SPATA31H1: variants seen among roughly 807,000 people sequenced by gnomAD.
SPATA31H1 encodes SPATA31 subfamily H member 1.
chr2:27,579,904 C>T, the SPATA31H1 span: 1 of 1,614,200 alleles, frequency 6.2e-7, no homozygotes, highest in Non-Finnish European at 8.5e-7. Context: ...CCACCTCTAG[C>T]TTCAGGTCTA....
chr2:27,562,819 G>A, the SPATA31H1 span, among the ~76,000 whole-genome samples: 1 of 150,904 alleles, frequency 6.6e-6, no homozygotes, highest in African/African-American at 2.4e-5. Flanking sequence ...CCTGGGAGGT[G>A]GAGGTTGCAG....
the SPATA31H1 span, among the ~76,000 whole-genome samples, chr2:27,543,601 A>G: frequency 6.6e-6 from 1 of 151,096 alleles, no homozygotes; most frequent in African/African-American, 2.4e-5. Flanking sequence ...TTTGTGTTGT[A>G]TAAGAACTCC....
chr2:27,549,684 C>T, the SPATA31H1 span, among the ~76,000 whole-genome samples: 1 of 151,912 alleles, frequency 6.6e-6, no homozygotes, highest in East Asian at 1.9e-4. Context: ...GATGGCATGC[C>T]TGTAGTCTCA....
the SPATA31H1 span, chr2:27,568,640 G>A: frequency 2.5e-6 from 1 of 398,902 alleles, no homozygotes; most frequent in African/African-American, 2.1e-5. Flanking sequence ...ACACTGTGGA[G>A]CTGACCCTAA....
At chr2:27,566,839 A>G in the SPATA31H1 span, 2 of 717,678 alleles carry the variant, frequency 2.8e-6, no homozygotes, top group Non-Finnish European at 5.2e-6. Context: ...TGTTGTGACT[A>G]TAAGAAAGCA....
chr2:27,581,959 G>A, the SPATA31H1 span: 1 of 1,613,632 alleles, frequency 6.2e-7, no homozygotes, highest in Non-Finnish European at 8.5e-7. Flanking sequence ...CCCTCTGAGA[G>A]AAGCCATCAC....
chr2:27,582,324 G>C, the SPATA31H1 span: 2 of 1,612,886 alleles, frequency 1.2e-6, no homozygotes, highest in South Asian at 2.2e-5. Flanking sequence ...GATGAGGCCA[G>C]GGAGGCCCTC....
At chr2:27,574,006 T>A in the SPATA31H1 span, 1 of 398,518 alleles carries the variant, frequency 2.5e-6, no homozygotes, top group Non-Finnish European at 4.4e-6. Flanking sequence ...TCCCAAGACA[T>A]GAAGTTTAGA....
the SPATA31H1 span, among the ~76,000 whole-genome samples, chr2:27,560,460 A>ATT: frequency 7.1e-6 from 1 of 140,776 alleles, no homozygotes. Flanking sequence ...CTCAAAGAGT[A>ATT]TTTTTTTTTT....
At chr2:27,578,951 T>G in the SPATA31H1 span, 6 of 1,614,048 alleles carry the variant, frequency 3.7e-6, no homozygotes, top group Non-Finnish European at 4.2e-6. Context: ...TAACTTTTCC[T>G]TTGGCCCTTC....
At chr2:27,579,727 C>T in the SPATA31H1 span, 1 of 1,614,134 alleles carries the variant, frequency 6.2e-7, no homozygotes, top group South Asian at 1.1e-5. Context: ...AGTGAGGACT[C>T]ACAGAGTGAT....
the SPATA31H1 span, among the ~76,000 whole-genome samples, chr2:27,545,046 A>G: frequency 6.7e-6 from 1 of 149,952 alleles, no homozygotes; most frequent in African/African-American, 2.5e-5. Context: ...TTTTTGAGAC[A>G]GAATCTTACT....
chr2:27,557,797 G>A, the SPATA31H1 span, among the ~76,000 whole-genome samples: 12 of 54,482 alleles, frequency 2.2e-4, no homozygotes, highest in African/African-American at 4.9e-4. Flanking sequence ...CGGACGGGGC[G>A]GCTGGCCAGG....
the SPATA31H1 span, chr2:27,565,272 C>T: frequency 1.4e-6 from 1 of 700,804 alleles, no homozygotes; most frequent in Non-Finnish European, 2.6e-6. Flanking sequence ...GTGAGAAGTG[C>T]TGTCAATAAA....
chr2:27,538,162 C>T, the SPATA31H1 span, among the ~76,000 whole-genome samples: 131 of 152,160 alleles, frequency 8.6e-4, 3 homozygotes, highest in East Asian at 1.9e-4. Context: ...GAGCTTTGAA[C>T]GCCAGGCTGA....
the SPATA31H1 span, chr2:27,580,238 C>G: frequency 6.2e-7 from 1 of 1,614,168 alleles, no homozygotes. Context: ...CTGGGCCTTC[C>G]CAGTCCCCTG....
At chr2:27,567,002 C>A in the SPATA31H1 span, 1 of 717,564 alleles carries the variant, frequency 1.4e-6, no homozygotes, top group Non-Finnish European at 2.6e-6. Context: ...TGTTCAGGAA[C>A]CAAGGCAGAA....
At chr2:27,574,708 T>G in the SPATA31H1 span, 8 of 398,366 alleles carry the variant, frequency 2.0e-5, no homozygotes, top group Non-Finnish European at 3.5e-5. Context: ...GGTCTAAAGT[T>G]ACAAGGTGTG....
chr2:27,562,204 G>A, the SPATA31H1 span, among the ~76,000 whole-genome samples: 3 of 152,012 alleles, frequency 2.0e-5, no homozygotes, highest in African/African-American at 4.8e-5. Flanking sequence ...TTCTTTTTAG[G>A]GTTGATTTAG....
Sources: gnomAD v4.1 joint callset for allele counts (sites outside exome capture counted in the v4.1 genomes callset) on GRCh38, gnomAD v4.1.1 for gene constraint, MANE v1.5 for transcripts, NCBI Gene and HGNC (gene_info 2026-07-23, HGNC 2026-07-21) for gene names.